The following POMT2 variants were observed in gnomAD, a reference collection of about 807,000 sequenced individuals.
POMT2 encodes the protein protein O-mannosyl-transferase 2.
Under a neutral mutation model 100.0 loss-of-function variants are expected in POMT2, and 75 were observed. The ratio of observed to expected loss-of-function variants is 0.75; its 90% CI spans 0.62 to 0.91. The LOEUF is 0.91. POMT2 is among the 40% of genes least tolerant of loss of function. The probability of loss-of-function intolerance (pLI) is 0.00; values close to 1 mark genes in which losing one functional copy is unlikely to be tolerated. For synonymous variants in POMT2, 378 were observed against 374.1 expected (o/e 1.01, Z -0.12); for missense variants, 940 against 955.1 (o/e 0.98, Z 0.21).
chr14:77,314,335 G>C (rs1891548695), intron 1 of POMT2, among the ~76,000 whole-genome samples: 1 of 152,184 alleles, frequency 6.6e-6, no homozygotes, highest in East Asian at 1.9e-4. Flanking sequence ...GTGGGACTTA[G>C]GGGCAAAGGA....
intron 3 of POMT2, chr14:77,306,101 G>T (rs559028428): frequency 1.5e-5 from 8 of 546,294 alleles, no homozygotes; most frequent in East Asian, 1.4e-4. Flanking sequence ...GTGACAATGC[G>T]TGCCTGCTTC....
chr14:77,303,037 C>T, intron 4 of POMT2, 94 bp from the exon 5 acceptor site: 1 of 926,106 alleles, frequency 1.1e-6, no homozygotes, highest in Non-Finnish European at 1.7e-6. Context: ...TCCCTCTTGC[C>T]ACTTAATTGA....
intron 9 of POMT2, 125 bp downstream of exon 9, chr14:77,296,039 G>C (rs1890815908): frequency 1.2e-6 from 1 of 807,166 alleles, no homozygotes; most frequent in Non-Finnish European, 2.1e-6. Context: ...AAAACAGAAG[G>C]GTGCAGGGCT....
rs727502855 is a variant in POMT2, at chr14:77,286,815, G to C, written c.1261C>G (p.Arg421Gly). 5.0e-6 allele frequency: 8 copies of C among 1,614,124 alleles called. No homozygotes were observed. The Admixed American group carries it at 5.0e-5, about 10-fold the overall frequency. ...TCATGATAGTGACTGTGCAAGTTCCGGGAAGTTCTAGAAGTTAGAAAAGAG... is the reference window on the plus strand; with the variant it reads ...TCATGATAGTGACTGTGCAAGTTCCCGGAAGTTCTAGAAGTTAGAAAAGAG... The part of the protein sequence containing the change: ...IIRLEHKETS[R>G]NLHSHYHEAP... Residue 421 changes from arginine to glycine, a missense_variant, in exon 12 of 21, where the codon CGG (arginine) becomes GGG (glycine). Physicochemically the swap from Arg to Gly is moderately radical, Grantham distance 125. Transcript: ENST00000261534.
chr14:77,278,661 C>A, intron 19 of POMT2, 68 bp downstream of exon 19: 1 of 1,594,936 alleles, frequency 6.3e-7, no homozygotes, highest in Non-Finnish European at 8.6e-7. Flanking sequence ...TCACTCCCAG[C>A]ACTGCTGCCC....
chr14:77,313,212 T>C (rs1397130785), intron 1 of POMT2, among the ~76,000 whole-genome samples: 2 of 152,224 alleles, frequency 1.3e-5, no homozygotes, highest in African/African-American at 4.8e-5. Context: ...ACCTACTACA[T>C]AAGGGGAAAA....
intron 18 of POMT2, 50 bp downstream of exon 18, chr14:77,279,773 G>A: frequency 6.4e-7 from 1 of 1,567,458 alleles, no homozygotes; most frequent in Non-Finnish European, 8.7e-7. Context: ...CAGGGGTGCA[G>A]GTGCCCTGCT....
chr14:77,286,733 T>A lies in POMT2; in HGVS notation c.1332+11A>T. 1 of 1,614,110 alleles carries A rather than the reference T, an allele frequency of 6.2e-7. No individual in the cohort carries two copies. Among genetic ancestry groups the A allele is most frequent in the South Asian group, 1.1e-5 (1 of 91,082 alleles). On this transcript the variant is annotated intron_variant, in intron 12 of 20. Transcript: ENST00000261534. ...TTTTACGTCCTACTCACATCCCCGTTGCTTACTTACTATGCCATAGCCGGT... is the reference window on the plus strand; with the variant it reads ...TTTTACGTCCTACTCACATCCCCGTAGCTTACTTACTATGCCATAGCCGGT...
At position 77,299,367 on chromosome 14, in the gene POMT2, A is replaced by G. The variant is rs1890939187; in HGVS notation, c.923+88T>C. ...GGGTCCCTCACCTATCATTTTAACC[A>G]CAGACCCAGAAAATCATCCGACCCC... On this transcript the variant is annotated intron_variant, in intron 7 of 20. Coordinates refer to ENST00000261534, the MANE Select transcript of POMT2 (RefSeq NM_013382.7). 5.0e-6 allele frequency: 6 copies of G among 1,189,570 alleles called. No homozygotes were observed. In the Admixed American group the frequency reaches 6.8e-5, roughly 13 times the overall value. 73.7% of individuals were successfully genotyped at this position (1,189,570 alleles called of 1,614,324 possible).
chr14:77,307,298 G>C (rs1382094229), intron 2 of POMT2, among the ~76,000 whole-genome samples: 1 of 152,162 alleles, frequency 6.6e-6, no homozygotes, highest in African/African-American at 2.4e-5. Flanking sequence ...GCTGTGTGGG[G>C]AAAGTCCCTC....
At chr14:77,305,026 T>A (rs373286030) in intron 3 of POMT2, among the ~76,000 whole-genome samples, 9 of 152,080 alleles carry the variant, frequency 5.9e-5, no homozygotes, top group East Asian at 5.8e-4. Context: ...TGCACTGACA[T>A]GAAATCAGCA....
chr14:77,305,405 TAAAC>T (rs1376326079), intron 3 of POMT2, among the ~76,000 whole-genome samples: 1 of 152,182 alleles, frequency 6.6e-6, no homozygotes, highest in Non-Finnish European at 1.5e-5. Flanking sequence ...TCCATCAAAA[TAAAC>T]AGACAAGCCA....
chr14:77,300,953 GT>G, intron 6 of POMT2, 136 bp downstream of exon 6: 1 of 1,555,440 alleles, frequency 6.4e-7, no homozygotes, highest in South Asian at 1.1e-5. Context: ...GTCTGCGGAG[GT>G]TGGGGGGTCC....
At chr14:77,294,098 G>A (rs1331562558) in intron 9 of POMT2, among the ~76,000 whole-genome samples, 6 of 151,964 alleles carry the variant, frequency 3.9e-5, no homozygotes, top group African/African-American at 9.7e-5. Context: ...AAATCTCTCC[G>A]TTGATTCTAA....
At chr14:77,279,768 G>A (rs541789974) in intron 18 of POMT2, 55 bp downstream of exon 18, 22 of 1,547,090 alleles carry the variant, frequency 1.4e-5, no homozygotes, top group Non-Finnish European at 1.8e-5. Context: ...CTCCCCAGGG[G>A]TGCAGGTGCC....
chr14:77,307,222 A>G (rs1358061184), intron 2 of POMT2, among the ~76,000 whole-genome samples: 7 of 152,256 alleles, frequency 4.6e-5, no homozygotes, highest in Admixed American at 2.6e-4. Flanking sequence ...CATCTGGGAC[A>G]GCCCCAGGCT....
At chr14:77,281,805 C>A (rs991872042) in intron 15 of POMT2, among the ~76,000 whole-genome samples, 2 of 152,144 alleles carry the variant, frequency 1.3e-5, no homozygotes, top group Non-Finnish European at 2.9e-5. Flanking sequence ...GTTTCCCAGC[C>A]AAAAATTTCT....
chr14:77,296,108 G>A (rs1397688135), intron 9 of POMT2, 56 bp downstream of exon 9: 2 of 1,328,372 alleles, frequency 1.5e-6, no homozygotes, highest in Admixed American at 3.9e-5. Flanking sequence ...GCAAGAGAGT[G>A]AACTGTCATG....
At chr14:77,317,426 A>G (rs1165596189) in intron 1 of POMT2, among the ~76,000 whole-genome samples, 1 of 152,216 alleles carries the variant, frequency 6.6e-6, no homozygotes, top group Non-Finnish European at 1.5e-5. Flanking sequence ...ACAGTCTGAC[A>G]CTGGCATATC....
Sources: allele counts gnomAD v4.1 joint callset (sites outside exome capture counted in the v4.1 genomes callset), GRCh38; gene constraint gnomAD v4.1.1; transcripts MANE v1.5; gene names NCBI Gene and HGNC (gene_info 2026-07-23, HGNC 2026-07-21).